TUFM: variants seen among roughly 807,000 people sequenced by gnomAD.
TUFM encodes elongation factor Tu, mitochondrial.
Under a neutral mutation model 45.0 loss-of-function variants are expected in TUFM, and 23 were observed. That is an observed-to-expected ratio of 0.51 (90% CI 0.37 to 0.72). The LOEUF is 0.72. Among genes scored for constraint, TUFM ranks in the 30% least tolerant of loss-of-function variants. TUFM has a pLI of 0.00. For missense variants in TUFM, 490 were observed against 610.7 expected (o/e 0.80, Z 2.08); for synonymous variants, 243 against 252.9 (o/e 0.96, Z 0.37).
In TUFM at chr16:28,842,999, C is replaced by T. The variant is rs1961840101; in HGVS notation, c.1344G>A (p.Glu448=). The change falls in exon 10 of 10, where the codon GAG becomes GAA. Residue 448 remains glutamate (E), a synonymous_variant. Transcript: ENST00000313511. ...LVTNTLAMTE[E]EKNIKWG is the part of the protein sequence containing the mutation. ...CTCAACCCCATTTGATATTCTTCTC[C>T]TCCTCAGTCATGGCCAGCGTGTTGG... 1 of 1,614,100 alleles carries T rather than the reference C, an allele frequency of 6.2e-7. No individual in the cohort carries two copies. The highest frequency in any genetic ancestry group is 1.3e-5 in the African/African-American group (1 of 74,942).
In TUFM at chr16:28,846,026, C is replaced by T. The variant is rs1359124224; in HGVS notation, c.133G>A (p.Gly45Ser). 1 of 1,613,800 alleles carries T rather than the reference C, an allele frequency of 6.2e-7. No individual in the cohort carries two copies. Residue 45 changes from glycine to serine, a missense_variant, in exon 2 of 10, where the codon GGC becomes AGC. By Grantham distance (56) the Gly-to-Ser change is moderately conservative. Coordinates refer to ENST00000313511, the MANE Select transcript of TUFM (RefSeq NM_003321.5). ...GTCTTCTTGGCCTCCACGGCCAGGC[C>T]GCGGCACAAGAGAGGCAATGCCGGG... The part of the protein sequence containing the change: ...KAPALPLLCR[G>S]LAVEAKKTYV...
Position 28,845,040 on chromosome 16 carries a change from T to C in TUFM, c.430A>G (p.Thr144Ala), listed in dbSNP as rs760673155. Reference protein sequence around the residue: ...ADYVKNMITGTAPLDGCILVV... With the variant: ...ADYVKNMITGAAPLDGCILVV... ...AGGATGCAGCCGTCGAGGGGTGCAG[T>C]GCCTGTGATCATATTCTGGAGAGGA... is the stretch of plus-strand genomic sequence containing the variant. Residue 144 changes from threonine to alanine, a missense_variant, in exon 4 of 10, where the codon ACT becomes GCT. Thr to Ala is a moderately conservative substitution (Grantham distance 58). Transcript: ENST00000313511. 3.7e-6 allele frequency: 6 copies of C among 1,614,142 alleles called. No homozygotes were observed. In the South Asian group the frequency reaches 5.5e-5, roughly 15 times the overall value.
intron 9 of TUFM, 38 bp from the exon 10 acceptor site, chr16:28,843,186 G>A: frequency 5.0e-6 from 8 of 1,612,514 alleles, no homozygotes; most frequent in Non-Finnish European, 6.8e-6. Context: ...TGGCCTCCAG[G>A]GTGCCTTCAT....
In TUFM at chr16:28,844,474, G is replaced by C. The variant is rs1335944793; in HGVS notation, c.762C>G (p.Ala254=). 6.2e-7 allele frequency: 1 copy of C among 1,614,034 alleles called. No homozygotes were observed. Among genetic ancestry groups the C allele is most frequent in the Non-Finnish European group, 8.5e-7 (1 of 1,180,044 alleles). ...DAVDTYIPVP[A]RDLEKPFLLP... ...GCAGGAAAGGCTTCTCCAGGTCCCG[G>C]GCGGGCACTGGGATGTAAGTGTCCA... Residue 254 remains alanine (A), a synonymous_variant, in exon 6 of 10, where the codon GCC becomes GCG. Coordinates refer to ENST00000313511, the MANE Select transcript of TUFM (RefSeq NM_003321.5). The surrounding 1 kb of genome is among the most constrained non-coding windows in gnomAD (Gnocchi z 5.8).
chr16:28,845,308 C>G lies in TUFM; in HGVS notation c.414+6G>C, dbSNP rs1233932812. ...GCCCTGTCTCCAGTGTCCCAGCAAC[C>G]CTCACCTTAACATAATCTGCATGAC... is the stretch of plus-strand genomic sequence containing the variant. On this transcript the variant is annotated splice_donor_region_variant and intron_variant, in intron 3 of 9. Transcript: ENST00000313511. The G allele has an allele frequency of 6.2e-7, 1 of 1,614,128 alleles. No homozygotes were observed. The highest frequency in any genetic ancestry group is 8.5e-7 in the Non-Finnish European group (1 of 1,180,024).
intron 2 of TUFM, 75 bp downstream of exon 2, chr16:28,845,835 ACT>A: frequency 1.3e-6 from 2 of 1,558,630 alleles, no homozygotes; most frequent in East Asian, 2.2e-5. Flanking sequence ...TCCAGCAGAC[ACT>A]CTGCTGGCCT....
rs768253816 is a variant in TUFM at position 28,845,393 on chromosome 16, T to C, written c.335A>G (p.Asn112Ser). The C allele has an allele frequency of 8.1e-6, 13 of 1,614,118 alleles. No homozygotes were observed. The highest frequency in any genetic ancestry group is 3.3e-4 in the Middle Eastern group (2 of 6,024). Reference sequence around the variant, plus strand: ...AGTGCTATACTCCACATGAGCCGCATTGATGGTGATACCCCGAGCTCGCTC... The same window carrying C: ...AGTGCTATACTCCACATGAGCCGCACTGATGGTGATACCCCGAGCTCGCTC... ...PEERARGITI[N>S]AAHVEYSTAA... Residue 112 changes from asparagine (N) to serine (S), a missense_variant, in exon 3 of 10, where the codon AAT becomes AGT. By Grantham distance (46) the Asn-to-Ser change is conservative. Coordinates refer to ENST00000313511, the MANE Select transcript of TUFM (RefSeq NM_003321.5).
In TUFM at chr16:28,846,070, A is replaced by G; in HGVS notation, c.89T>C (p.Leu30Pro). The G allele has an allele frequency of 1.2e-6, 2 of 1,613,824 alleles. No individual in the cohort carries two copies. Among genetic ancestry groups the G allele is most frequent in the Non-Finnish European group, 1.7e-6 (2 of 1,179,982 alleles). Residue 30 changes from leucine (L) to proline (P), a missense_variant, in exon 2 of 10, where the codon CTG becomes CCG. Transcript: ENST00000313511. ...AAGRTFLLQGLLRLLKAPALP... is the reference protein window; with the variant it reads ...AAGRTFLLQGPLRLLKAPALP... ...TGCCGGGGCTTTCAGCAGCCGCAAC[A>G]GACCCTGCAGCAGGAAGGTCCGGCC...
chr16:28,844,675 G>T lies in TUFM; in HGVS notation c.684+23C>A. On this transcript the variant is annotated intron_variant, in intron 5 of 9. Coordinates refer to ENST00000313511, the MANE Select transcript of TUFM (RefSeq NM_003321.5). The surrounding 1 kb of genome is among the most constrained non-coding windows in gnomAD (Gnocchi z 5.8). ...TCCAGCCCCACCCTCTGCAGCAGCT[G>T]CCCTGCCTGACCCCGCGTTCACCTC... 1 of 1,614,144 alleles carries T rather than the reference G, an allele frequency of 6.2e-7. No individual in the cohort carries two copies. The highest frequency in any genetic ancestry group is 8.5e-7 in the Non-Finnish European group (1 of 1,180,034).
chr16:28,845,133 T>G (rs1961906317), intron 3 of TUFM, 78 bp from the exon 4 acceptor site: 2 of 1,583,428 alleles, frequency 1.3e-6, no homozygotes, highest in Non-Finnish European at 1.7e-6. Flanking sequence ...GTGTAGCAGT[T>G]AGAAACTCAG....
Position 28,844,634 on chromosome 16 carries a change from G to T in TUFM, c.684+64C>A. 6.2e-7 allele frequency: 1 copy of T among 1,613,790 alleles called. No individual in the cohort carries two copies. The highest frequency in any genetic ancestry group is 1.1e-5 in the South Asian group (1 of 91,076). On this transcript the variant is annotated intron_variant, in intron 5 of 9. Coordinates refer to ENST00000313511, the MANE Select transcript of TUFM (RefSeq NM_003321.5). This position sits in a 1 kb window ranked among gnomAD's most constrained non-coding sequence, Gnocchi z 5.8. ...AGAGCCACTTCCCAGACACAAAGCA[G>T]AGCTCTGGGTGCCCATCCAGCCCCA...
chr16:28,843,811 A>C lies in TUFM; in HGVS notation c.1119T>G (p.Phe373Leu). The C allele has an allele frequency of 1.2e-6, 2 of 1,614,138 alleles. No individual in the cohort carries two copies. Among genetic ancestry groups the C allele is most frequent in the Non-Finnish European group, 1.7e-6 (2 of 1,180,028 alleles). ...ACATGACAGGCATGAAGTGGGACAC[A>C]AAGGGCTTGTGGCGGCCACCTTCCT... Reference protein sequence around the residue: ...SKEEGGRHKPFVSHFMPVMFS... With the variant: ...SKEEGGRHKPLVSHFMPVMFS... The change falls in exon 9 of 10, where the codon TTT (phenylalanine) becomes TTG (leucine). Residue 373 changes from phenylalanine (F) to leucine (L), a missense_variant. Coordinates refer to ENST00000313511, the MANE Select transcript of TUFM (RefSeq NM_003321.5).
In TUFM at chr16:28,842,664, G is replaced by A; in HGVS notation, c.*311C>T. ...TGTCTAGGCAATCACTAAGCTCACT[G>A]GACTTGATTTATCCGTTAAAACTGC... On this transcript the variant is annotated 3_prime_UTR_variant, in exon 10 of 10. Transcript: ENST00000313511. 1 of 423,962 alleles carries A rather than the reference G, an allele frequency of 2.4e-6. No individual in the cohort carries two copies. Among genetic ancestry groups the A allele is most frequent in the South Asian group, 2.1e-5 (1 of 46,866 alleles). The allele number at this position is 423,962 out of a possible 1,614,324, so 26.3% of individuals were successfully genotyped here.
Position 28,842,949 on chromosome 16 carries a change from G to A in TUFM, c.*26C>T, listed in dbSNP as rs1416253988. ...TGGCTAGGGCAGGCCTTAAACGCAA[G>A]GGAAGCTGAGCAGAGATCTGCACAC... On this transcript the variant is annotated 3_prime_UTR_variant, in exon 10 of 10. Coordinates refer to ENST00000313511, the MANE Select transcript of TUFM (RefSeq NM_003321.5). 2 of 1,613,436 alleles carry A rather than the reference G, an allele frequency of 1.2e-6. No homozygotes were observed. The highest frequency in any genetic ancestry group is 2.2e-5 in the East Asian group (1 of 44,864).
intron 2 of TUFM, among the ~76,000 whole-genome samples, 167 bp from the exon 3 acceptor site, chr16:28,845,647 G>A (rs988637142): frequency 6.6e-6 from 1 of 152,168 alleles, no homozygotes; most frequent in African/African-American, 2.4e-5. Context: ...GGCCTTAAGG[G>A]TCTGCCCTGT....
In TUFM at chr16:28,846,320, A is replaced by G; in HGVS notation, c.-51T>C. On this transcript the variant is annotated 5_prime_UTR_variant, in exon 1 of 10. Transcript: ENST00000313511. ...CGGGACCAGGAGCCCGAGCGCACAG[A>G]AGAAGAAGGGCGCCTGCGGCTGGAA... 2 of 1,535,348 alleles carry G rather than the reference A, an allele frequency of 1.3e-6. No homozygotes were observed. Among genetic ancestry groups the G allele is most frequent in the Non-Finnish European group, 1.8e-6 (2 of 1,137,184 alleles).
rs1278754709 is a variant in TUFM at position 28,842,981 on chromosome 16, C to G, written c.1362G>C (p.Trp454Cys). Residue 454 changes from tryptophan to cysteine, a missense_variant, in exon 10 of 10, where the codon TGG (tryptophan) becomes TGC (cysteine). Transcript: ENST00000313511. ...TGAGCAGAGATCTGCACACTCAACC[C>G]CATTTGATATTCTTCTCCTCCTCAG... ...AMTEEEKNIKWG is the reference protein window; with the variant it reads ...AMTEEEKNIKCG 2 of 1,614,208 alleles carry G rather than the reference C, an allele frequency of 1.2e-6. No homozygotes were observed. Among genetic ancestry groups the G allele is most frequent in the East Asian group, 4.5e-5 (2 of 44,882 alleles).
In TUFM at chr16:28,844,083, T is replaced by C. The variant is rs774694682; in HGVS notation, c.941A>G (p.Lys314Arg). 16 of 1,614,038 alleles carry C rather than the reference T, an allele frequency of 9.9e-6. No individual in the cohort carries two copies. Among genetic ancestry groups the C allele is most frequent in the Non-Finnish European group, 1.2e-5 (14 of 1,180,036 alleles). Reference protein sequence around the residue: ...TVVTGIEMFHKSLERAEAGDN... With the variant: ...TVVTGIEMFHRSLERAEAGDN... ...TCCGGCCTCGGCCCTCTCCAGGCTC[T>C]TGTGGAACATCTCAATGCCTAGGAC... The change falls in exon 8 of 10, where the codon AAG becomes AGG. Residue 314 changes from lysine to arginine, a missense_variant. Physicochemically the swap from Lys to Arg is conservative, Grantham distance 26. Coordinates refer to ENST00000313511, the MANE Select transcript of TUFM (RefSeq NM_003321.5). This position sits in a 1 kb window ranked among gnomAD's most constrained non-coding sequence, Gnocchi z 5.8.
intron 8 of TUFM, 39 bp from the exon 9 acceptor site, chr16:28,843,894 C>CT: frequency 6.2e-7 from 1 of 1,614,086 alleles, no homozygotes. Context: ...CTGGGCTTGG[C>CT]TGGAGGCTGG....
Sources: allele counts gnomAD v4.1 joint callset (sites outside exome capture counted in the v4.1 genomes callset), GRCh38; gene constraint gnomAD v4.1.1; non-coding constraint Gnocchi (gnomAD v3.1); transcripts MANE v1.5; gene names NCBI Gene and HGNC (gene_info 2026-07-23, HGNC 2026-07-21).